Variants in PPARG observed in about 807,000 individuals in gnomAD.
PPARG encodes peroxisome proliferator-activated receptor gamma.
Under a neutral mutation model 39.2 loss-of-function variants are expected in PPARG, and 17 were observed. That is an observed-to-expected ratio of 0.43 (90% CI 0.30 to 0.65). The LOEUF (loss-of-function observed/expected upper bound fraction) is 0.65, where lower values mean the gene tolerates loss of function less well. Among genes scored for constraint, PPARG ranks in the 30% least tolerant of loss-of-function variants. The pLI is 0.13. For synonymous variants in PPARG, 223 were observed against 215.7 expected, an observed-to-expected ratio of 1.03 and a Z score of -0.30; for missense variants, 406 against 585.9, an observed-to-expected ratio of 0.69 and a Z score of 3.17.
chr3:12,377,688 T>G (rs575555265), intron 2 of PPARG, among the ~76,000 whole-genome samples: 1 of 152,258 alleles, frequency 6.6e-6, no homozygotes, highest in African/African-American at 2.4e-5. Context: ...TATTTTGGGC[T>G]TCTAATTTCA....
At chr3:12,420,626 CG>C (rs4135289) in intron 7 of PPARG, among the ~76,000 whole-genome samples, 48,522 of 151,962 alleles carry the variant, frequency 0.32, 11,400 homozygotes, top group African/African-American at 0.66. Flanking sequence ...TAAGAGTGGG[CG>C]GGGGTAAGGA....
intron 2 of PPARG, among the ~76,000 whole-genome samples, chr3:12,323,231 G>C (rs967662170): frequency 2.0e-5 from 3 of 152,228 alleles, no homozygotes; most frequent in African/African-American, 7.2e-5. Flanking sequence ...AAATTGGGAA[G>C]AGAGACTCTG....
intron 4 of PPARG, among the ~76,000 whole-genome samples, chr3:12,390,264 C>T (rs1182011676): frequency 6.6e-6 from 1 of 152,114 alleles, no homozygotes; most frequent in African/African-American, 2.4e-5. Context: ...AACAATTTGG[C>T]ATTATCTTGT....
At chr3:12,433,143 T>C (rs1055298136) in intron 7 of PPARG, among the ~76,000 whole-genome samples, 10 of 152,360 alleles carry the variant, frequency 6.6e-5, no homozygotes, top group African/African-American at 2.4e-4. Flanking sequence ...ACAAACCTTT[T>C]TTTAAAAGCA....
chr3:12,415,728 T>C (rs1472195615), intron 6 of PPARG, among the ~76,000 whole-genome samples: 1 of 152,196 alleles, frequency 6.6e-6, no homozygotes, highest in East Asian at 1.9e-4. Context: ...TATCTGCTCT[T>C]TGTGAAATAG....
chr3:12,408,625 T>C (rs1300555000), intron 6 of PPARG, among the ~76,000 whole-genome samples: 1 of 149,892 alleles, frequency 6.7e-6, no homozygotes, highest in Non-Finnish European at 1.5e-5. Flanking sequence ...TGGGAGTGTC[T>C]TCTTATATTG....
intron 2 of PPARG, among the ~76,000 whole-genome samples, chr3:12,330,121 T>C (rs1410479637): frequency 2.6e-5 from 4 of 152,284 alleles, no homozygotes; most frequent in Non-Finnish European, 4.4e-5. Context: ...GTATCTGTTT[T>C]AGTCCCCACT....
chr3:12,354,032 C>T (rs2048576722), intron 2 of PPARG, among the ~76,000 whole-genome samples: 1 of 152,176 alleles, frequency 6.6e-6, no homozygotes, highest in Non-Finnish European at 1.5e-5. Flanking sequence ...ATGATAAATG[C>T]TGCAATAGAC....
chr3:12,338,208 A>G (rs916321814), intron 2 of PPARG, among the ~76,000 whole-genome samples: 1 of 152,240 alleles, frequency 6.6e-6, no homozygotes, highest in Non-Finnish European at 1.5e-5. Context: ...AGTCTTGTTT[A>G]TAAAATGATG....
intron 2 of PPARG, among the ~76,000 whole-genome samples, chr3:12,342,056 G>T (rs1229606800): frequency 6.6e-6 from 1 of 152,150 alleles, no homozygotes; most frequent in Non-Finnish European, 1.5e-5. Flanking sequence ...TAACTTAGTG[G>T]TAGATTTTAC....
intron 1 of PPARG, among the ~76,000 whole-genome samples, chr3:12,309,710 C>T (rs2047173681): frequency 6.6e-6 from 1 of 152,128 alleles, no homozygotes; most frequent in Admixed American, 6.5e-5. Context: ...AATTATTTTT[C>T]TGTATCTTAA....
chr3:12,420,074 G>A (rs1161859443), intron 7 of PPARG, among the ~76,000 whole-genome samples: 1 of 152,174 alleles, frequency 6.6e-6, no homozygotes, highest in Admixed American at 6.5e-5. Context: ...AAGTTTACAT[G>A]CACACTCATG....
chr3:12,299,451 C>T (rs1432089845), intron 1 of PPARG, among the ~76,000 whole-genome samples: 1 of 152,100 alleles, frequency 6.6e-6, no homozygotes, highest in Non-Finnish European at 1.5e-5. Flanking sequence ...TCCCAGCTCT[C>T]TTACTATCCT....
chr3:12,417,919 T>C (rs2051133880), intron 7 of PPARG, among the ~76,000 whole-genome samples: 4 of 131,342 alleles, frequency 3.0e-5, no homozygotes, highest in Non-Finnish European at 6.4e-5. Flanking sequence ...TTTTTTTTTT[T>C]TTTTTTGTGA....
At chr3:12,423,252 A>G (rs1052836170) in intron 7 of PPARG, among the ~76,000 whole-genome samples, 1 of 152,226 alleles carries the variant, frequency 6.6e-6, no homozygotes, top group South Asian at 2.1e-4. Context: ...AGGAATGTTA[A>G]ATTGTCGAAA....
At chr3:12,361,669 C>G (rs1004837013) in intron 2 of PPARG, among the ~76,000 whole-genome samples, 1 of 152,334 alleles carries the variant, frequency 6.6e-6, no homozygotes, top group Admixed American at 6.5e-5. Context: ...GGGATTTATT[C>G]TGGACTTACT....
chr3:12,430,126 C>G (rs1250888894), intron 7 of PPARG, among the ~76,000 whole-genome samples: 1 of 152,222 alleles, frequency 6.6e-6, no homozygotes, highest in Admixed American at 6.5e-5. Flanking sequence ...TCACATTGTT[C>G]TCTTGAGCCT....
At chr3:12,378,145 A>G (rs1169465777) in intron 2 of PPARG, among the ~76,000 whole-genome samples, 1 of 152,214 alleles carries the variant, frequency 6.6e-6, no homozygotes, top group African/African-American at 2.4e-5. Context: ...TGTGGATAAG[A>G]GGGAACCCTT....
At chr3:12,328,334 G>T (rs2047754419) in intron 2 of PPARG, 1 of 848,028 alleles carries the variant, frequency 1.2e-6, no homozygotes, top group African/African-American at 1.7e-5. Flanking sequence ...GGGGGCAGAG[G>T]AGTCTCTGCA....
Sources: gnomAD v4.1 joint callset for allele counts (sites outside exome capture counted in the v4.1 genomes callset) on GRCh38, gnomAD v4.1.1 for gene constraint, MANE v1.5 for transcripts, NCBI Gene and HGNC (gene_info 2026-07-23, HGNC 2026-07-21) for gene names.